Variants in AHCTF1 observed in about 807,000 individuals in gnomAD.
The protein encoded by AHCTF1 is protein ELYS.
A neutral mutation model predicts 248.4 loss-of-function variants in AHCTF1; 24 were observed. The observed-to-expected ratio is 0.10, with a 90% CI of 0.07 to 0.14. The LOEUF (loss-of-function observed/expected upper bound fraction) is 0.14. Ranked by LOEUF, AHCTF1 falls within the 10% of genes least tolerant of loss-of-function variation. The pLI, the probability that AHCTF1 is intolerant of heterozygous loss-of-function variation, is 1.00. For synonymous variants in AHCTF1, 786 were observed against 929.8 expected (o/e 0.85, Z 2.81); for missense variants, 2,206 against 2,636.2 (o/e 0.84, Z 3.57).
At chr1:246,929,833 C>T (rs887764794) in intron 1 of AHCTF1, among the ~76,000 whole-genome samples, 2 of 152,236 alleles carry the variant, frequency 1.3e-5, no homozygotes, top group Non-Finnish European at 2.9e-5. Flanking sequence ...GCGGGCGGAT[C>T]ACGAGGTCAG....
chr1:246,915,326 C>G (rs1428533892), intron 3 of AHCTF1, among the ~76,000 whole-genome samples: 1 of 150,298 alleles, frequency 6.7e-6, no homozygotes. Context: ...GACTCTGTCT[C>G]AAAAACAAAA....
At chr1:246,871,749 T>C (rs1194903602) in intron 24 of AHCTF1, among the ~76,000 whole-genome samples, 1 of 151,824 alleles carries the variant, frequency 6.6e-6, no homozygotes, top group Non-Finnish European at 1.5e-5. Flanking sequence ...TATAAGGAGG[T>C]TAATAATATT....
At chr1:246,860,017 T>C (rs933488920) in intron 29 of AHCTF1, among the ~76,000 whole-genome samples, 2 of 152,134 alleles carry the variant, frequency 1.3e-5, no homozygotes, top group African/African-American at 4.8e-5. Flanking sequence ...ATCCCAGCAC[T>C]CTGGGAGTCC....
At chr1:246,870,075 CT>C (rs34199129) in intron 24 of AHCTF1, among the ~76,000 whole-genome samples, 95,077 of 152,030 alleles carry the variant, frequency 0.63, 32,250 homozygotes, top group African/African-American at 0.9. Context: ...TCATGAATAA[CT>C]TTTGAGGGCT....
chr1:246,892,290 A>G (rs993839880), intron 14 of AHCTF1, among the ~76,000 whole-genome samples: 7 of 139,438 alleles, frequency 5.0e-5, no homozygotes, highest in Admixed American at 2.2e-4. Context: ...ATCAAATTCT[A>G]ATTTGTTTTA....
rs139662726 is a variant in AHCTF1, at chr1:246,839,395, C to T, written c.*1411G>A. 932 of 266,536 alleles carry T rather than the reference C, an allele frequency of 3.5e-3. 34 individuals carry two copies. The East Asian group carries it at 0.079, about 23-fold the overall frequency. 16.5% of individuals were successfully genotyped at this position (266,536 alleles called of 1,614,324 possible). A position where few individuals can be genotyped will look rare whatever the true frequency, so the allele number is the denominator to read the frequency against. The stretch of plus-strand genomic sequence containing the variant: ...TATGTTTAGCTCTTTATTCATTTAA[C>T]AAGTTCATTTAAATAAGTTCAATAT... On this transcript the variant is annotated 3_prime_UTR_variant, in exon 36 of 36. Transcript: ENST00000648844.
intron 30 of AHCTF1, among the ~76,000 whole-genome samples, chr1:246,856,718 C>T (rs1237981556): frequency 3.9e-5 from 6 of 152,188 alleles, no homozygotes; most frequent in Non-Finnish European, 5.9e-5. Flanking sequence ...TCCTTTCATA[C>T]TGGCTTCTAC....
intron 20 of AHCTF1, 128 bp from the exon 21 acceptor site, chr1:246,885,808 A>G: frequency 1.1e-6 from 1 of 897,712 alleles, no homozygotes; most frequent in South Asian, 1.9e-5. Context: ...GAAAAAATCT[A>G]CTTTAATCTG....
intron 34 of AHCTF1, among the ~76,000 whole-genome samples, chr1:246,843,225 C>CTGT (rs2103027525): frequency 6.6e-6 from 1 of 152,334 alleles, no homozygotes; most frequent in East Asian, 1.9e-4. Context: ...GCCATTTACT[C>CTGT]TGTTGGGAGG....
In AHCTF1 at chr1:246,840,871, G is replaced by A. The variant is rs1659808581; in HGVS notation, c.6736C>T (p.Leu2246Phe). Residue 2246 changes from leucine (L) to phenylalanine (F), a missense_variant, in exon 36 of 36, where the codon CTT becomes TTT. Leu to Phe is a conservative substitution (Grantham distance 22). Transcript: ENST00000648844. Reference sequence around the variant, plus strand: ...GACAGTTTCTTTCTGTTCCTTCCAAGACCTGTTCCTGTCACTTCTGTAGTT... The same window carrying A: ...GACAGTTTCTTTCTGTTCCTTCCAAAACCTGTTCCTGTCACTTCTGTAGTT... ...RKTTEVTGTG[L>F]GRNRKKLSSY... 1.9e-6 allele frequency: 3 copies of A among 1,613,250 alleles called. No homozygotes were observed. The highest frequency in any genetic ancestry group is 1.1e-5 in the South Asian group (1 of 90,976).
chr1:246,884,620 ACTT>A (rs1297946792), intron 21 of AHCTF1, among the ~76,000 whole-genome samples: 1 of 151,956 alleles, frequency 6.6e-6, no homozygotes, highest in African/African-American at 2.4e-5. Context: ...ATACCACTGT[ACTT>A]CCAATCATGC....
At chr1:246,924,803 T>G (rs1370254199) in intron 1 of AHCTF1, among the ~76,000 whole-genome samples, 1 of 152,160 alleles carries the variant, frequency 6.6e-6, no homozygotes, top group African/African-American at 2.4e-5. Context: ...GATTTCCAAG[T>G]CATCAAAAGT....
At chr1:246,877,658 C>A (rs1005495801) in intron 21 of AHCTF1, among the ~76,000 whole-genome samples, 4 of 152,078 alleles carry the variant, frequency 2.6e-5, no homozygotes, top group African/African-American at 9.7e-5. Flanking sequence ...CAGTGGGAAG[C>A]GTGCGAAAGA....
At chr1:246,919,454 C>G (rs754697487) in intron 1 of AHCTF1, among the ~76,000 whole-genome samples, 1 of 151,816 alleles carries the variant, frequency 6.6e-6, no homozygotes. Context: ...TGGCTCACGC[C>G]TGTAATCCCA....
At chr1:246,917,207 G>A (rs902219008) in intron 2 of AHCTF1, among the ~76,000 whole-genome samples, 7 of 152,204 alleles carry the variant, frequency 4.6e-5, no homozygotes, top group African/African-American at 1.7e-4. Context: ...AGAAAAGTGG[G>A]TTGACTGGAG....
rs1429819071 is a variant in AHCTF1, at chr1:246,842,724, A to T, written c.6578T>A (p.Ile2193Asn). Residue 2193 changes from isoleucine (I) to asparagine (N), a missense_variant, in exon 35 of 36, where the codon ATC becomes AAC. By Grantham distance (149) the Ile-to-Asn change is moderately radical. Coordinates refer to ENST00000648844, the MANE Select transcript of AHCTF1 (RefSeq NM_001323342.2). The stretch of plus-strand genomic sequence containing the variant: ...TGCTTGTTTTGTTTTTGACGTCCTG[A>T]TTCGTTTCGCTTTTGGCTTTCCCAG... ...ETLGKPKAKR[I>N]RTSKTKQASK... The T allele has an allele frequency of 3.1e-6, 5 of 1,613,720 alleles. No homozygotes were observed. The highest frequency in any genetic ancestry group is 4.2e-6 in the Non-Finnish European group (5 of 1,180,008).
intron 31 of AHCTF1, among the ~76,000 whole-genome samples, chr1:246,854,670 A>G (rs1225751428): frequency 6.6e-6 from 1 of 152,200 alleles, no homozygotes; most frequent in Non-Finnish European, 1.5e-5. Context: ...AACACTTTAC[A>G]TGCAAGGGGC....
chr1:246,930,681 G>A (rs979272956), intron 1 of AHCTF1, among the ~76,000 whole-genome samples: 3 of 152,020 alleles, frequency 2.0e-5, no homozygotes, highest in African/African-American at 7.2e-5. Flanking sequence ...TCAAAGTGCT[G>A]GGATTACAGA....
chr1:246,847,834 A>G (rs1358049566), intron 33 of AHCTF1, among the ~76,000 whole-genome samples: 1 of 152,164 alleles, frequency 6.6e-6, no homozygotes, highest in African/African-American at 2.4e-5. Context: ...AATAACTCTC[A>G]CTTTTGGTGG....
Sources: gnomAD v4.1 joint callset for allele counts (sites outside exome capture counted in the v4.1 genomes callset) on GRCh38, gnomAD v4.1.1 for gene constraint, MANE v1.5 for transcripts, NCBI Gene and HGNC (gene_info 2026-07-23, HGNC 2026-07-21) for gene names.